ZNF581: variants seen among roughly 807,000 people sequenced by gnomAD.
ZNF581 encodes the protein zinc finger protein 581.
A neutral mutation model predicts 1.2 loss-of-function variants in ZNF581; 1 was observed. That is an observed-to-expected ratio of 0.83 (90% CI 0.30 to 3.95). The LOEUF is 3.95. Ranked by LOEUF, ZNF581 falls within the 30% of genes most tolerant of loss-of-function variation. ZNF581 has a pLI of 0.18. For synonymous variants in ZNF581, 105 were observed against 109.2 expected (o/e 0.96, Z 0.24); for missense variants, 273 against 274.6 (o/e 0.99, Z 0.04).
upstream of ZNF581, chr19:55,641,014 G>C (rs927675954): frequency 9.2e-5 from 91 of 985,220 alleles, no homozygotes; most frequent in Non-Finnish European, 1.1e-4. Context: ...CTTTTCCCAG[G>C]GACTCCGCCA....
upstream of ZNF581, chr19:55,640,425 C>T (rs1332513110): frequency 4.2e-5 from 41 of 985,512 alleles, no homozygotes; most frequent in Non-Finnish European, 4.9e-5. Flanking sequence ...CGCTGCGCTT[C>T]GGTGTCGCCA....
upstream of ZNF581, chr19:55,641,057 G>C: frequency 1.0e-6 from 1 of 985,168 alleles, no homozygotes; most frequent in Admixed American, 6.1e-5. Context: ...CAGTCCCCGC[G>C]TCCCCGGCGC....
In ZNF581 at chr19:55,644,397, A is replaced by G. The variant is rs1339957729; in HGVS notation, c.-19-156A>G. 6.6e-6 allele frequency among the ~76,000 whole-genome samples: 1 copy of G among 152,144 alleles called. No homozygotes were observed. Among genetic ancestry groups the G allele is most frequent in the Admixed American group, 6.5e-5 (1 of 15,280 alleles). ...GACCCTGGGGACCTTTTAGGGGGCCACAGACTCCAGCTGTGAGCGGGACTG... is the reference window on the plus strand; with the variant it reads ...GACCCTGGGGACCTTTTAGGGGGCCGCAGACTCCAGCTGTGAGCGGGACTG... On this transcript the variant is annotated intron_variant, in intron 1 of 1. Coordinates refer to ENST00000270451, the MANE Select transcript of ZNF581 (RefSeq NM_016535.4). The surrounding 1 kb of genome is among the most constrained non-coding windows in gnomAD (Gnocchi z 4.3).
At chr19:55,635,718 G>T (rs1004468463) in intron 1 of ZNF581, 8 of 988,130 alleles carry the variant, frequency 8.1e-6, no homozygotes, top group African/African-American at 5.2e-5. Context: ...AACAGGTTGG[G>T]TGAGGGCAAG....
At chr19:55,639,990 C>A, upstream of ZNF581, 1 of 263,154 alleles carries the variant, frequency 3.8e-6, no homozygotes, top group Non-Finnish European at 5.9e-6. Flanking sequence ...AAGAGTCCCA[C>A]GTGGCTAGTG....
upstream of ZNF581, among the ~76,000 whole-genome samples, chr19:55,638,636 T>C (rs1443978406): frequency 6.6e-6 from 1 of 152,030 alleles, no homozygotes; most frequent in African/African-American, 2.4e-5. Flanking sequence ...TCCACCCCCA[T>C]GATCCAAATG....
upstream of ZNF581, chr19:55,640,642 G>C (rs1982398289): frequency 2.0e-6 from 2 of 985,416 alleles, no homozygotes; most frequent in East Asian, 2.3e-4. Context: ...CTGGTCTCTG[G>C]ACCTCGGTCT....
chr19:55,640,674 G>A, upstream of ZNF581: 10 of 985,474 alleles, frequency 1.0e-5, no homozygotes, highest in Non-Finnish European at 1.2e-5. Context: ...CAGCCGGCAG[G>A]AACATCCCTT....
chr19:55,636,678 A>G (rs1421592807), upstream of ZNF581, among the ~76,000 whole-genome samples: 5 of 152,122 alleles, frequency 3.3e-5, no homozygotes, highest in East Asian at 9.6e-4. Context: ...CAACGAGGCC[A>G]TATCATGGAT....
At chr19:55,642,790 C>T (rs1982604289), upstream of ZNF581, 2 of 1,559,172 alleles carry the variant, frequency 1.3e-6, no homozygotes, top group African/African-American at 1.4e-5. Context: ...GCTACAGCTG[C>T]CCGGAGTGCG....
upstream of ZNF581, chr19:55,643,042 C>A: frequency 7.4e-7 from 1 of 1,350,150 alleles, no homozygotes; most frequent in Non-Finnish European, 9.5e-7. Context: ...GAGACCCGGC[C>A]TGTGCTGCCC....
chr19:55,639,321 G>A (rs973711206), upstream of ZNF581, among the ~76,000 whole-genome samples: 1 of 152,158 alleles, frequency 6.6e-6, no homozygotes, highest in African/African-American at 2.4e-5. Context: ...GGTGGCCCAC[G>A]CCTGTAGTCC....
In ZNF581 at chr19:55,644,206, G is replaced by A. The variant is rs1000373375; in HGVS notation, c.-19-347G>A. 5.3e-5 allele frequency among the ~76,000 whole-genome samples: 8 copies of A among 152,148 alleles called. 1 individual carries two copies. The highest frequency in any genetic ancestry group is 1.4e-4 in the African/African-American group (6 of 41,440). ...AGACCCTGGAAAGGGCTAGAAGGAGGGGAGGGAGAGGCCTGGAGGCCTGCG... is the reference window on the plus strand; with the variant it reads ...AGACCCTGGAAAGGGCTAGAAGGAGAGGAGGGAGAGGCCTGGAGGCCTGCG... On this transcript the variant is annotated intron_variant, in intron 1 of 1. Coordinates refer to ENST00000270451, the MANE Select transcript of ZNF581 (RefSeq NM_016535.4). The surrounding 1 kb of genome is among the most constrained non-coding windows in gnomAD (Gnocchi z 4.3).
In ZNF581 at chr19:55,645,008, G is replaced by A; in HGVS notation, c.437G>A (p.Gly146Asp). 1 of 1,599,384 alleles carries A rather than the reference G, an allele frequency of 6.3e-7. No individual in the cohort carries two copies. Among genetic ancestry groups the A allele is most frequent in the East Asian group, 2.2e-5 (1 of 44,476 alleles). The change falls in exon 2 of 2, where the codon GGC (glycine) becomes GAC (aspartate). Residue 146 changes from glycine to aspartate, a missense_variant. Coordinates refer to ENST00000270451, the MANE Select transcript of ZNF581 (RefSeq NM_016535.4). ...IHLAGGGRPH[G>D]CPLCPRRFRD... ...CTGGCGGGTGGTGGGCGGCCCCACG[G>A]CTGCCCGCTCTGCCCTCGCCGCTTC...
chr19:55,640,362 C>A, upstream of ZNF581: 5 of 985,490 alleles, frequency 5.1e-6, no homozygotes, highest in African/African-American at 1.7e-5. Flanking sequence ...TCCAGTGGGC[C>A]CCGTGGGCAG....
upstream of ZNF581, among the ~76,000 whole-genome samples, chr19:55,638,273 T>C (rs934276258): frequency 6.6e-6 from 1 of 152,130 alleles, no homozygotes; most frequent in African/African-American, 2.4e-5. Flanking sequence ...GGAGTCTTGC[T>C]CTGTTGCCAG....
chr19:55,642,644 C>T, upstream of ZNF581: 1 of 1,432,548 alleles, frequency 7.0e-7, no homozygotes. Flanking sequence ...GGCGGGGCCC[C>T]GACCCCCGCG....
chr19:55,640,822 A>G (rs1982409988), upstream of ZNF581: 3 of 985,474 alleles, frequency 3.0e-6, no homozygotes, highest in Non-Finnish European at 3.6e-6. Context: ...TCTCTTGTCA[A>G]GCGGCGGAAT....
chr19:55,642,681 C>T, upstream of ZNF581: 1 of 1,439,784 alleles, frequency 6.9e-7, no homozygotes, highest in Non-Finnish European at 9.1e-7. Flanking sequence ...CTCATCGACG[C>T]CAATGGGGTC....
Sources: allele counts gnomAD v4.1 joint callset (sites outside exome capture counted in the v4.1 genomes callset), GRCh38; gene constraint gnomAD v4.1.1; non-coding constraint Gnocchi (gnomAD v3.1); transcripts MANE v1.5; gene names NCBI Gene and HGNC (gene_info 2026-07-23, HGNC 2026-07-21).